Variants in MYO10 observed in about 807,000 individuals in gnomAD.
MYO10 encodes myosin X, also known as unconventional myosin-X.
In MYO10, 133 loss-of-function variants were observed where a neutral mutation model predicts 257.3. The ratio of observed to expected loss-of-function variants is 0.52; its 90% CI spans 0.45 to 0.60. MYO10 has a LOEUF of 0.60. Among genes scored for constraint, MYO10 ranks in the 20% least tolerant of loss-of-function variants. The pLI is 0.00. For missense variants in MYO10, 2,399 were observed against 2,635.7 expected, an observed-to-expected ratio of 0.91 and a Z score of 1.97; for synonymous variants, 1,104 against 1,028.6, an observed-to-expected ratio of 1.07 and a Z score of -1.40.
chr5:16,693,491 A>T (rs1207842251), intron 27 of MYO10, among the ~76,000 whole-genome samples: 1 of 152,230 alleles, frequency 6.6e-6, no homozygotes, highest in Admixed American at 6.5e-5. Flanking sequence ...ACAATCAAAT[A>T]CATAAAAGAC....
chr5:16,833,192 T>C (rs1040496564), intron 2 of MYO10, among the ~76,000 whole-genome samples: 6 of 151,258 alleles, frequency 4.0e-5, no homozygotes, highest in African/African-American at 1.5e-4. Context: ...TTTAATGATG[T>C]TTTAAAATAT....
intron 3 of MYO10, among the ~76,000 whole-genome samples, chr5:16,805,955 C>T (rs1342742984): frequency 2.0e-5 from 3 of 152,100 alleles, no homozygotes; most frequent in Non-Finnish European, 2.9e-5. Context: ...AAATTTCACA[C>T]CCCCAAAAAA....
chr5:16,781,573 A>G (rs1741424978), intron 6 of MYO10, 132 bp downstream of exon 6: 1 of 951,124 alleles, frequency 1.1e-6, no homozygotes, highest in African/African-American at 1.7e-5. Context: ...TAGAGCAATA[A>G]CTAACTGTCT....
chr5:16,699,233 C>T (rs1347650167), intron 26 of MYO10, among the ~76,000 whole-genome samples: 1 of 152,056 alleles, frequency 6.6e-6, no homozygotes, highest in Non-Finnish European at 1.5e-5. Context: ...CTGGTAGGAC[C>T]ACAGCACCCA....
chr5:16,694,135 T>C (rs1035867436), intron 27 of MYO10, among the ~76,000 whole-genome samples: 3 of 152,240 alleles, frequency 2.0e-5, no homozygotes, highest in East Asian at 1.9e-4. Context: ...CCAGATCCAA[T>C]TGGCTGGCCA....
chr5:16,925,407 A>G (rs1178192029), intron 1 of MYO10, among the ~76,000 whole-genome samples: 1 of 152,198 alleles, frequency 6.6e-6, no homozygotes, highest in Non-Finnish European at 1.5e-5. Context: ...AATATGCATT[A>G]TGGTACACGC....
At chr5:16,866,277 T>G (rs777880295) in intron 2 of MYO10, among the ~76,000 whole-genome samples, 1 of 152,154 alleles carries the variant, frequency 6.6e-6, no homozygotes, top group Non-Finnish European at 1.5e-5. Flanking sequence ...GGCAGACTAT[T>G]TTAGGGATAC....
chr5:16,669,473 G>C (rs573649321), intron 39 of MYO10, among the ~76,000 whole-genome samples: 10 of 152,180 alleles, frequency 6.6e-5, no homozygotes, highest in Non-Finnish European at 1.5e-4. Context: ...CAAAGCGCTG[G>C]GATTACAGGC....
At chr5:16,722,725 C>T (rs1739197211) in intron 19 of MYO10, among the ~76,000 whole-genome samples, 1 of 152,082 alleles carries the variant, frequency 6.6e-6, no homozygotes, top group Non-Finnish European at 1.5e-5. Context: ...AATCACAAAA[C>T]TATAAAACTC....
chr5:16,883,432 G>A (rs986817189), intron 1 of MYO10, among the ~76,000 whole-genome samples: 3 of 152,118 alleles, frequency 2.0e-5, no homozygotes, highest in African/African-American at 4.8e-5. Context: ...AGACTAGAGG[G>A]GCTAACAGAC....
At chr5:16,925,571 C>T (rs1342460148) in intron 1 of MYO10, among the ~76,000 whole-genome samples, 2 of 152,126 alleles carry the variant, frequency 1.3e-5, no homozygotes, top group African/African-American at 4.8e-5. Context: ...GCTACCACAT[C>T]TGGCTAACTT....
intron 2 of MYO10, among the ~76,000 whole-genome samples, chr5:16,870,895 A>G (rs1744439860): frequency 6.6e-6 from 1 of 152,206 alleles, no homozygotes; most frequent in African/African-American, 2.4e-5. Flanking sequence ...TCAGTCACAC[A>G]CACACAAAAA....
chr5:16,759,358 T>C (rs1474479841), intron 17 of MYO10, among the ~76,000 whole-genome samples: 4 of 152,168 alleles, frequency 2.6e-5, no homozygotes, highest in Non-Finnish European at 5.9e-5. Flanking sequence ...AGCGGCAATA[T>C]TAGAGCTTTC....
chr5:16,842,767 A>T (rs965653498), intron 2 of MYO10, among the ~76,000 whole-genome samples: 1 of 151,858 alleles, frequency 6.6e-6, no homozygotes, highest in Admixed American at 6.6e-5. Flanking sequence ...CTCTACAAAA[A>T]ATTAATAGTC....
chr5:16,866,121 T>C lies in MYO10; in HGVS notation c.120+11488A>G, dbSNP rs540880063. ...AAATTGTGTATTTATTCATTTTCCT[T>C]TCAATTCAAACGTGGGTATTTGCCG... On this transcript the variant is annotated intron_variant, in intron 2 of 40. Coordinates refer to ENST00000513610, the MANE Select transcript of MYO10 (RefSeq NM_012334.3). Among the ~76,000 whole-genome samples, 7 of 151,610 alleles carry C rather than the reference T, an allele frequency of 4.6e-5. No homozygotes were observed. The East Asian group carries it at 1.2e-3, about 25-fold the overall frequency.
At chr5:16,723,248 C>T (rs1185721993) in intron 19 of MYO10, among the ~76,000 whole-genome samples, 1 of 151,598 alleles carries the variant, frequency 6.6e-6, no homozygotes, top group Non-Finnish European at 1.5e-5. Flanking sequence ...ATTAGCTGGG[C>T]GTGGTGGTGG....
chr5:16,803,539 AT>A (rs1460514222), intron 3 of MYO10, among the ~76,000 whole-genome samples: 7 of 152,194 alleles, frequency 4.6e-5, no homozygotes, highest in Admixed American at 1.3e-4. Context: ...AGGCACTGAT[AT>A]TTTCAGGGAG....
At position 16,748,345 on chromosome 5, in the gene MYO10, A is replaced by G. The variant is rs564605760; in HGVS notation, c.1929+6483T>C. 2.0e-5 allele frequency among the ~76,000 whole-genome samples: 3 copies of G among 152,164 alleles called. No homozygotes were observed. In the South Asian group the frequency reaches 6.2e-4, roughly 32 times the overall value. ...CTGCAACCTACACCTCCTGGGTTCA[A>G]ACAACTCTCGTGCCTCAGCCTCCCA... On this transcript the variant is annotated intron_variant, in intron 19 of 40. Coordinates refer to ENST00000513610, the MANE Select transcript of MYO10 (RefSeq NM_012334.3).
At chr5:16,709,405 T>C (rs1738492232) in intron 21 of MYO10, among the ~76,000 whole-genome samples, 1 of 152,066 alleles carries the variant, frequency 6.6e-6, no homozygotes, top group African/African-American at 2.4e-5. Context: ...GCAGCAAAGG[T>C]GACGGGATAT....
Sources: allele counts gnomAD v4.1 joint callset (sites outside exome capture counted in the v4.1 genomes callset), GRCh38; gene constraint gnomAD v4.1.1; transcripts MANE v1.5; gene names NCBI Gene and HGNC (gene_info 2026-07-23, HGNC 2026-07-21).